The following TTC27 variants were observed in gnomAD, a reference collection of about 807,000 sequenced individuals.
The protein encoded by TTC27 is tetratricopeptide repeat protein 27.
TTC27 carries 79 observed loss-of-function variants against 115.9 expected under a neutral mutation model. That is an observed-to-expected ratio of 0.68 (90% CI 0.57 to 0.82). The LOEUF (loss-of-function observed/expected upper bound fraction) is 0.82. Ranked by LOEUF, TTC27 falls within the 40% of genes least tolerant of loss-of-function variation. The pLI is 0.00. For synonymous variants in TTC27, 401 were observed against 356.0 expected (o/e 1.13, Z -1.42); for missense variants, 1,054 against 993.1 (o/e 1.06, Z -0.82).
chr2:32,766,134 T>G (rs1669618074), intron 13 of TTC27, among the ~76,000 whole-genome samples: 1 of 152,252 alleles, frequency 6.6e-6, no homozygotes, highest in East Asian at 1.9e-4. Flanking sequence ...TCGACATGCC[T>G]TTCTCACTAA....
At chr2:32,724,708 G>A (rs554870888) in intron 10 of TTC27, among the ~76,000 whole-genome samples, 2 of 152,312 alleles carry the variant, frequency 1.3e-5, no homozygotes, top group African/African-American at 2.4e-5. Context: ...ACTATTGACA[G>A]ATGAACTGAT....
At chr2:32,676,329 CTTTCCTCTTCCCTTCA>C (rs1239736928) in intron 8 of TTC27, among the ~76,000 whole-genome samples, 1 of 151,956 alleles carries the variant, frequency 6.6e-6, no homozygotes, top group African/African-American at 2.4e-5. Context: ...TTTCATAGTT[CTTTCCTCTTCCCTTCA>C]TTGATTTTTT....
chr2:32,807,810 G>C (rs1251582684), intron 16 of TTC27, among the ~76,000 whole-genome samples: 1 of 151,790 alleles, frequency 6.6e-6, no homozygotes, highest in Non-Finnish European at 1.5e-5. Context: ...TTCCATTCCT[G>C]ATCCTTTGTA....
intron 5 of TTC27, among the ~76,000 whole-genome samples, chr2:32,660,118 T>A (rs189555538): frequency 1.2e-3 from 187 of 152,306 alleles, no homozygotes; most frequent in Admixed American, 2.0e-3. Flanking sequence ...TTGAACTAAT[T>A]TACATTCCCA....
intron 10 of TTC27, among the ~76,000 whole-genome samples, chr2:32,716,036 T>TA (rs1352931979): frequency 1.3e-5 from 2 of 152,124 alleles, no homozygotes; most frequent in African/African-American, 4.8e-5. Context: ...AAGTGGAAAG[T>TA]AAAAAACAAC....
chr2:32,700,135 G>A (rs921955367), intron 9 of TTC27, among the ~76,000 whole-genome samples: 1 of 152,210 alleles, frequency 6.6e-6, no homozygotes, highest in Non-Finnish European at 1.5e-5. Context: ...GTAAACGCTG[G>A]AGGAGGAGAG....
At chr2:32,801,810 C>T (rs940334485) in intron 16 of TTC27, among the ~76,000 whole-genome samples, 7 of 152,088 alleles carry the variant, frequency 4.6e-5, no homozygotes, top group African/African-American at 1.4e-4. Context: ...TAGTGAACAC[C>T]ACCAGAGATT....
intron 16 of TTC27, among the ~76,000 whole-genome samples, chr2:32,805,028 A>C (rs559855392): frequency 2.9e-4 from 44 of 152,336 alleles, no homozygotes; most frequent in Admixed American, 1.2e-3. Context: ...ATGTAAAAGA[A>C]CTTAATAGAA....
At chr2:32,688,095 A>G (rs1045909039) in intron 9 of TTC27, among the ~76,000 whole-genome samples, 19 of 152,198 alleles carry the variant, frequency 1.2e-4, no homozygotes, top group African/African-American at 4.3e-4. Context: ...GATTACATAT[A>G]GTACATAGTT....
chr2:32,727,262 AT>A (rs1558312786), intron 10 of TTC27, among the ~76,000 whole-genome samples: 1 of 152,188 alleles, frequency 6.6e-6, no homozygotes, highest in Non-Finnish European at 1.5e-5. Flanking sequence ...GTAGTTTTAA[AT>A]TTTTTTGTGA....
chr2:32,640,222 T>C (rs1664587550), intron 3 of TTC27, 48 bp from the exon 4 acceptor site: 1 of 1,522,258 alleles, frequency 6.6e-7, no homozygotes, highest in Non-Finnish European at 8.9e-7. Flanking sequence ...ATATAAAGAT[T>C]AATATTTTGT....
chr2:32,752,313 T>C (rs182895176), intron 12 of TTC27, among the ~76,000 whole-genome samples: 5 of 152,246 alleles, frequency 3.3e-5, no homozygotes, highest in African/African-American at 1.2e-4. Context: ...GATGAGCAGG[T>C]TGCAAGTGAT....
chr2:32,803,457 A>G (rs1003936968), intron 16 of TTC27, among the ~76,000 whole-genome samples: 8 of 152,222 alleles, frequency 5.3e-5, no homozygotes, highest in African/African-American at 1.9e-4. Context: ...TTCTCAGCCC[A>G]TCTGTGAACC....
At chr2:32,703,094 T>G (rs1667246297) in intron 10 of TTC27, among the ~76,000 whole-genome samples, 174 bp downstream of exon 10, 1 of 152,252 alleles carries the variant, frequency 6.6e-6, no homozygotes, top group South Asian at 2.1e-4. Context: ...AGCCCAGCTC[T>G]GTGACTTAGC....
chr2:32,647,445 A>C (rs1179091182), intron 4 of TTC27, among the ~76,000 whole-genome samples: 1 of 152,202 alleles, frequency 6.6e-6, no homozygotes. Context: ...CAGGGAATTC[A>C]GTTAAAAACT....
At chr2:32,691,355 A>G (rs918804433) in intron 9 of TTC27, among the ~76,000 whole-genome samples, 19 of 150,988 alleles carry the variant, frequency 1.3e-4, no homozygotes, top group African/African-American at 4.6e-4. Flanking sequence ...CTGGAGTGCA[A>G]TGGCGCAATC....
intron 4 of TTC27, among the ~76,000 whole-genome samples, chr2:32,641,887 G>A (rs925446334): frequency 4.7e-5 from 7 of 149,628 alleles, no homozygotes; most frequent in African/African-American, 1.7e-4. Context: ...ACAGAGTCTC[G>A]CTCTGTAGCC....
At chr2:32,790,207 G>A (rs1670487883) in intron 16 of TTC27, among the ~76,000 whole-genome samples, 1 of 151,800 alleles carries the variant, frequency 6.6e-6, no homozygotes, top group African/African-American at 2.4e-5. Context: ...TGATTCCAAT[G>A]TAACATGTTC....
intron 3 of TTC27, among the ~76,000 whole-genome samples, chr2:32,639,360 T>C (rs536531497): frequency 6.6e-6 from 1 of 152,140 alleles, no homozygotes; most frequent in Non-Finnish European, 1.5e-5. Flanking sequence ...TGTAAAAAAA[T>C]CTCTGTACAA....
Sources: allele counts gnomAD v4.1 joint callset (sites outside exome capture counted in the v4.1 genomes callset), GRCh38; gene constraint gnomAD v4.1.1; transcripts MANE v1.5; gene names NCBI Gene and HGNC (gene_info 2026-07-23, HGNC 2026-07-21).